Variants in ZNF320 observed in about 807,000 individuals in gnomAD.
ZNF320 encodes zinc finger protein 320, also known as zinc finger gene 320.
A neutral mutation model predicts 6.8 loss-of-function variants in ZNF320; 2 were observed. That is an observed-to-expected ratio of 0.29 (90% CI 0.12 to 0.93). ZNF320 has a LOEUF of 0.93. ZNF320 is among the 40% of genes least tolerant of loss of function. ZNF320 has a pLI of 0.55. For missense variants in ZNF320, 472 were observed against 611.0 expected, an observed-to-expected ratio of 0.77 and a Z score of 2.40; for synonymous variants, 208 against 203.2, an observed-to-expected ratio of 1.02 and a Z score of -0.20.
downstream of ZNF320, among the ~76,000 whole-genome samples, chr19:52,872,437 G>A (rs373623750): frequency 7.8e-4 from 119 of 152,278 alleles, no homozygotes; most frequent in South Asian, 2.9e-3. Flanking sequence ...AAGTGGGTCC[G>A]GGGGAGCAGC....
intron 5 of ZNF320, among the ~76,000 whole-genome samples, chr19:52,886,973 AGAAAGAAGGAAG>A (rs1296589776): frequency 3.2e-5 from 2 of 61,958 alleles, no homozygotes; most frequent in Admixed American, 3.1e-4. Flanking sequence ...AAGAAAAGAA[AGAAAGAAGGAAG>A]GAAGGAAGGA....
At chr19:52,890,077 G>T (rs776956517) in intron 4 of ZNF320, among the ~76,000 whole-genome samples, 164 bp downstream of exon 4, 14 of 152,064 alleles carry the variant, frequency 9.2e-5, no homozygotes, top group Non-Finnish European at 1.9e-4. Flanking sequence ...TTGGTCACAG[G>T]AGATAAAATC....
Position 52,866,120 on chromosome 19 carries a change from ATATG to A in ZNF320, c.224-1965_224-1962del, listed in dbSNP as rs1281671561. 1.0e-4 allele frequency among the ~76,000 whole-genome samples: 7 copies of A among 69,488 alleles called. 1 individual carries two copies. Among genetic ancestry groups the A allele is most frequent in the African/African-American group, 1.5e-4 (2 of 13,354 alleles). 45.6% of individuals were successfully genotyped at this position (69,488 alleles called of 152,430 possible). On this transcript the variant is annotated intron_variant, in intron 5 of 5. Coordinates refer to the ZNF320 transcript ENST00000673631. ...TATGTATGATTATACATATATTTAT[ATATG>A]TATGATTATACATATATTTATATAT... is the stretch of plus-strand genomic sequence containing the variant.
rs754532447 is a variant in ZNF320 at position 52,880,769 on chromosome 19, G to A, written c.1357C>T (p.Pro453Ser). ...CTCTGATGCCTAATAAGGTGTGAAG[G>A]TGAATTAAAGGCTTTACCACAATCA... is the stretch of plus-strand genomic sequence containing the variant. ...CGDCGKAFNS[P>S]SHLIRHQRIH... The change falls in exon 6 of 6, where the codon CCT becomes TCT. Residue 453 changes from proline (P) to serine (S), a missense_variant. Physicochemically the swap from Pro to Ser is moderately conservative, Grantham distance 74. Around this residue, in one of 2 missense-constraint regions of ZNF320, gnomAD observed 462 missense variants for 559.7 expected, o/e 0.83. Transcript: ENST00000682928. 1 of 1,613,906 alleles carries A rather than the reference G, an allele frequency of 6.2e-7. No individual in the cohort carries two copies. The highest frequency in any genetic ancestry group is 1.7e-5 in the Admixed American group (1 of 60,002).
Position 52,880,726 on chromosome 19 carries a change from T to A in ZNF320, c.1400A>T (p.Lys467Ile), listed in dbSNP as rs761804318. ...IRHQRIHTGQ[K>I]SYKCHQCGKV... ...GCCACACTGATGACATTTGTAAGAT[T>A]TCTGTCCAGTATGGATTCTCTGATG... The change falls in exon 6 of 6, where the codon AAA becomes ATA. Residue 467 changes from lysine (K) to isoleucine (I), a missense_variant. Physicochemically the swap from Lys to Ile is moderately radical, Grantham distance 102 (BLOSUM62 -3). Transcript: ENST00000682928. 4 of 1,613,828 alleles carry A rather than the reference T, an allele frequency of 2.5e-6. No individual in the cohort carries two copies. In the African/African-American group the frequency reaches 5.3e-5, roughly 22 times the overall value.
In ZNF320 at chr19:52,880,670, C is replaced by T; in HGVS notation, c.1456G>A (p.Glu486Lys). 6.2e-7 allele frequency: 1 copy of T among 1,613,900 alleles called. No individual in the cohort carries two copies. Among genetic ancestry groups the T allele is most frequent in the Non-Finnish European group, 8.5e-7 (1 of 1,179,844 alleles). Reference sequence around the variant, plus strand: ...TCTCCAAAAGGAATTTTCTGATGTTCTGCAAGGAGTGACCTCAGACTAAAG... The same window carrying T: ...TCTCCAAAAGGAATTTTCTGATGTTTTGCAAGGAGTGACCTCAGACTAAAG... ...KVFSLRSLLA[E>K]HQKIPFGDNC... is the part of the protein sequence containing the mutation. Residue 486 changes from glutamate (E) to lysine (K), a missense_variant, in exon 6 of 6, where the codon GAA (glutamate) becomes AAA (lysine). By Grantham distance (56) the Glu-to-Lys change is moderately conservative. This residue lies in a region of ZNF320 where 462 missense variants were observed against 559.7 expected (regional missense o/e 0.83). Coordinates refer to ENST00000682928, the MANE Select transcript of ZNF320 (RefSeq NM_001351774.2).
chr19:52,891,638 C>A (rs533780551), intron 2 of ZNF320, among the ~76,000 whole-genome samples: 2 of 152,136 alleles, frequency 1.3e-5, no homozygotes, highest in Non-Finnish European at 2.9e-5. Flanking sequence ...GGGCAAGCTC[C>A]CAGGAGGAGG....
exon 6 of ZNF320, chr19:52,862,759 C>A: frequency 5.3e-6 from 2 of 378,924 alleles, no homozygotes; most frequent in East Asian, 6.4e-5. Context: ...ATTTGTATGG[C>A]TTCTCCAGTG....
At chr19:52,883,722 AC>A (rs1453389050) in intron 5 of ZNF320, 1 of 382,808 alleles carries the variant, frequency 2.6e-6, no homozygotes, top group Admixed American at 3.5e-5. Context: ...AAATGGTAAA[AC>A]CCCATCTCTA....
intron 5 of ZNF320, among the ~76,000 whole-genome samples, chr19:52,883,145 G>A (rs746139700): frequency 1.4e-4 from 21 of 151,922 alleles, no homozygotes; most frequent in Admixed American, 3.9e-4. Flanking sequence ...GGGTTCAAGC[G>A]AGTCTCTTGC....
chr19:52,864,553 C>A (rs761506236), intron 5 of ZNF320, among the ~76,000 whole-genome samples: 1 of 151,966 alleles, frequency 6.6e-6, no homozygotes, highest in African/African-American at 2.4e-5. Flanking sequence ...AATCCCAGCA[C>A]GTTGAGAAGT....
At chr19:52,875,790 A>G (rs2147793376), downstream of ZNF320, among the ~76,000 whole-genome samples, 1 of 152,190 alleles carries the variant, frequency 6.6e-6, no homozygotes, top group Admixed American at 6.5e-5. Flanking sequence ...AAAAAAAGAA[A>G]AAAAAAAAAT....
Position 52,880,556 on chromosome 19 carries a change from GT to G in ZNF320, c.*39del. 1 of 1,539,832 alleles carries G rather than the reference GT, an allele frequency of 6.5e-7. No individual in the cohort carries two copies. The highest frequency in any genetic ancestry group is 1.3e-5 in the South Asian group (1 of 79,586). On this transcript the variant is annotated 3_prime_UTR_variant, in exon 6 of 6. Transcript: ENST00000682928. The stretch of plus-strand genomic sequence containing the variant: ...GATTAATGCTTGAAATCAATGTTAA[GT>G]CAACTCAAACTCAGGTCAATGCTGA...
rs377398310 is a variant in ZNF320, at chr19:52,881,155, G to C, written c.971C>G (p.Thr324Ser). ...ATLAGHRRVH[T>S]GEKPYRCEEC... ...TTCACATCTGTAAGGTTTCTCTCCAGTGTGAACTCTACGATGTCCTGCAAG... is the reference window on the plus strand; with the variant it reads ...TTCACATCTGTAAGGTTTCTCTCCACTGTGAACTCTACGATGTCCTGCAAG... The change falls in exon 6 of 6, where the codon ACT becomes AGT. Residue 324 changes from threonine to serine, a missense_variant. Coordinates refer to ENST00000682928, the MANE Select transcript of ZNF320 (RefSeq NM_001351774.2). 11 of 1,614,144 alleles carry C rather than the reference G, an allele frequency of 6.8e-6. No homozygotes were observed. The highest frequency in any genetic ancestry group is 9.3e-6 in the Non-Finnish European group (11 of 1,180,048).
At chr19:52,874,752 G>A (rs140606032), downstream of ZNF320, among the ~76,000 whole-genome samples, 1 of 152,146 alleles carries the variant, frequency 6.6e-6, no homozygotes, top group Non-Finnish European at 1.5e-5. Context: ...TCATATGGGG[G>A]CTGTGGGTGA....
downstream of ZNF320, among the ~76,000 whole-genome samples, chr19:52,874,714 A>C (rs1380292279): frequency 6.6e-6 from 1 of 152,134 alleles, no homozygotes; most frequent in African/African-American, 2.4e-5. Flanking sequence ...CATGGATCAG[A>C]GGTGGGGGTG....
downstream of ZNF320, among the ~76,000 whole-genome samples, chr19:52,871,791 A>G (rs571957538): frequency 6.6e-6 from 1 of 152,340 alleles, no homozygotes; most frequent in African/African-American, 2.4e-5. Context: ...TCATGAACAC[A>G]TGGGCTCTGC....
At chr19:52,897,873 G>C (rs773759079), upstream of ZNF320, among the ~76,000 whole-genome samples, 38 of 152,276 alleles carry the variant, frequency 2.5e-4, no homozygotes, top group Middle Eastern at 3.4e-3. Context: ...GGGTCGGCGG[G>C]GGCGAGAAGC....
rs768338491 is a variant in ZNF320, at chr19:52,881,355, T to C, written c.771A>G (p.Thr257=). 61 of 1,613,980 alleles carry C rather than the reference T, an allele frequency of 3.8e-5. No individual in the cohort carries two copies. The highest frequency in any genetic ancestry group is 4.7e-5 in the Non-Finnish European group (56 of 1,180,022). ...GTCTATGATGGTACACAAGGTGTGA[T>C]GTCTGACTAAAGGTCTTGCCACACT... ...CNECGKTFSQ[T]SHLVYHHRLH... The change falls in exon 6 of 6, where the codon ACA becomes ACG. Residue 257 remains threonine (T), a synonymous_variant. Transcript: ENST00000682928.
Sources: allele counts gnomAD v4.1 joint callset (sites outside exome capture counted in the v4.1 genomes callset), GRCh38; gene constraint gnomAD v4.1.1; regional missense constraint gnomAD v4.1.1; transcripts MANE v1.5; gene names NCBI Gene and HGNC (gene_info 2026-07-23, HGNC 2026-07-21).